Variants in FRMPD2 observed in about 807,000 individuals in gnomAD.
FRMPD2 encodes FERM and PDZ domain containing 2.
FRMPD2 carries 96 observed loss-of-function variants against 140.1 expected under a neutral mutation model. The ratio of observed to expected loss-of-function variants is 0.69; its 90% CI spans 0.58 to 0.81. The LOEUF is 0.81. FRMPD2 is among the 40% of genes least tolerant of loss of function. The probability of loss-of-function intolerance (pLI) is 0.00; values close to 1 mark genes in which losing one functional copy is unlikely to be tolerated. For synonymous variants in FRMPD2, 449 were observed against 547.6 expected (o/e 0.82, Z 2.52); for missense variants, 1,240 against 1,447.4 (o/e 0.86, Z 2.32).
At chr10:48,231,080 G>A (rs1839837905) in intron 10 of FRMPD2, among the ~76,000 whole-genome samples, 1 of 152,152 alleles carries the variant, frequency 6.6e-6, no homozygotes, top group African/African-American at 2.4e-5. Context: ...TCCCTTCAAC[G>A]TGAGAGTAGA....
chr10:48,244,176 G>A (rs1840191208), intron 4 of FRMPD2, among the ~76,000 whole-genome samples: 1 of 152,136 alleles, frequency 6.6e-6, no homozygotes, highest in South Asian at 2.1e-4. Flanking sequence ...GTAGAGACAG[G>A]GTTTTGCCAT....
At chr10:48,181,328 T>C (rs1159938619) in intron 20 of FRMPD2, among the ~76,000 whole-genome samples, 1 of 152,260 alleles carries the variant, frequency 6.6e-6, no homozygotes, top group Non-Finnish European at 1.5e-5. Context: ...TATAGGAAGA[T>C]ATGGACATCT....
At chr10:48,270,325 G>T (rs111770497) in intron 1 of FRMPD2, among the ~76,000 whole-genome samples, 1 of 152,132 alleles carries the variant, frequency 6.6e-6, no homozygotes, top group Non-Finnish European at 1.5e-5. Context: ...GCCAATTTGC[G>T]ACAGCTGATT....
chr10:48,254,011 T>C (rs919535525), intron 1 of FRMPD2, among the ~76,000 whole-genome samples: 1 of 151,830 alleles, frequency 6.6e-6, no homozygotes, highest in African/African-American at 2.4e-5. Context: ...ATATCAAATA[T>C]AACCATGATC....
intron 6 of FRMPD2, 147 bp downstream of exon 6, chr10:48,240,211 GCC>G: frequency 2.5e-6 from 2 of 807,370 alleles, no homozygotes; most frequent in Non-Finnish European, 3.8e-6. Context: ...CCTAAGCTCA[GCC>G]CCTTCTCTTC....
chr10:48,158,045 C>T (rs1450585803), intron 28 of FRMPD2, among the ~76,000 whole-genome samples: 2 of 147,370 alleles, frequency 1.4e-5, no homozygotes, highest in African/African-American at 5.1e-5. Context: ...TCACCTCCCA[C>T]CCGTAGACTC....
chr10:48,255,988 C>T (rs971858304), intron 1 of FRMPD2, among the ~76,000 whole-genome samples: 2 of 152,150 alleles, frequency 1.3e-5, no homozygotes, highest in Admixed American at 6.5e-5. Flanking sequence ...TGCATTTTGG[C>T]GTAGGAGCAG....
chr10:48,227,366 G>A (rs567834385), intron 10 of FRMPD2, among the ~76,000 whole-genome samples: 1 of 152,176 alleles, frequency 6.6e-6, no homozygotes, highest in Admixed American at 6.5e-5. Flanking sequence ...TCCACCAGCT[G>A]GGTGGTGGAG....
chr10:48,194,148 G>C (rs1223223019), intron 15 of FRMPD2, among the ~76,000 whole-genome samples: 1 of 152,210 alleles, frequency 6.6e-6, no homozygotes, highest in East Asian at 1.9e-4. Context: ...CTATGTGCCA[G>C]GCGTGGTGGG....
chr10:48,156,861 C>T lies in FRMPD2; in HGVS notation c.*461G>A, dbSNP rs1372823373. On this transcript the variant is annotated 3_prime_UTR_variant, in exon 29 of 29. Transcript: ENST00000374201. ...CAAGAAGCGTCTAGGATTATTGGGA[C>T]ACGTAAATTACATAATTCTGACACA... The T allele has an allele frequency of 4.4e-6, 1 of 227,948 alleles. No individual in the cohort carries two copies. Among genetic ancestry groups the T allele is most frequent in the African/African-American group, 2.3e-5 (1 of 42,764 alleles). The allele number at this position is 227,948 out of a possible 1,614,324, so 14.1% of individuals were successfully genotyped here.
chr10:48,267,199 A>G (rs1049601543), intron 1 of FRMPD2, among the ~76,000 whole-genome samples: 2 of 152,210 alleles, frequency 1.3e-5, no homozygotes, highest in Non-Finnish European at 2.9e-5. Context: ...TCTCAACTTG[A>G]GTAAAAAAGA....
Position 48,211,965 on chromosome 10 carries a change from T to C in FRMPD2, c.1600A>G (p.Lys534Glu), listed in dbSNP as rs1864345. The change falls in exon 13 of 29, where the codon AAG becomes GAG. Residue 534 changes from lysine to glutamate, a missense_variant. Lys to Glu is a moderately conservative substitution (Grantham distance 56, BLOSUM62 1). Around this residue, in one of 6 missense-constraint regions of FRMPD2, gnomAD observed 1,161 missense variants for 1,055.9 expected, o/e 1.10. Transcript: ENST00000374201. ...CAGGAAGGCCTTACCCTCAAGAACT[T>C]CAGCTCAGCATCCTCTCCCCACAGT... ...SALWGEDAEL[K>E]FLRVTQQLPE... 380,735 of 1,612,294 alleles carry C rather than the reference T, an allele frequency of 0.24. 50,787 individuals carry two copies. Among genetic ancestry groups the C allele is most frequent in the African/African-American group, 0.56 (42,198 of 74,842 alleles).
At chr10:48,243,693 G>T (rs774462820) in intron 4 of FRMPD2, among the ~76,000 whole-genome samples, 1 of 152,150 alleles carries the variant, frequency 6.6e-6, no homozygotes, top group Non-Finnish European at 1.5e-5. Flanking sequence ...CCAGTGAGGC[G>T]TTACAAAAGG....
chr10:48,182,941 C>T (rs1838587019), intron 20 of FRMPD2, among the ~76,000 whole-genome samples: 1 of 152,128 alleles, frequency 6.6e-6, no homozygotes, highest in Non-Finnish European at 1.5e-5. Flanking sequence ...CTGGGAAATC[C>T]AACAGACAGC....
intron 5 of FRMPD2, 120 bp from the exon 6 acceptor site, chr10:48,240,612 C>A (rs916773362): frequency 2.2e-6 from 3 of 1,374,042 alleles, no homozygotes; most frequent in African/African-American, 2.9e-5. Context: ...ATACGGTGAC[C>A]TAAAGATGTG....
At chr10:48,199,351 AGT>A (rs1265435589) in intron 15 of FRMPD2, among the ~76,000 whole-genome samples, 24 of 151,998 alleles carry the variant, frequency 1.6e-4, no homozygotes, top group Admixed American at 9.8e-4. Flanking sequence ...GGGTATTTAT[AGT>A]TTTTGAATTT....
chr10:48,270,990 T>C (rs949977242), intron 1 of FRMPD2, among the ~76,000 whole-genome samples: 1 of 152,214 alleles, frequency 6.6e-6, no homozygotes, highest in Admixed American at 6.5e-5. Context: ...CCCTGATCCA[T>C]TCTCTGTCTT....
At chr10:48,197,938 C>G (rs1187477920) in intron 15 of FRMPD2, among the ~76,000 whole-genome samples, 3 of 152,172 alleles carry the variant, frequency 2.0e-5, no homozygotes, top group African/African-American at 7.2e-5. Flanking sequence ...CTGGTACCTG[C>G]CTCCTGGGGC....
In FRMPD2 at chr10:48,206,949, G is replaced by A; in HGVS notation, c.1612-16C>T. 1 of 1,612,050 alleles carries A rather than the reference G, an allele frequency of 6.2e-7. No individual in the cohort carries two copies. The highest frequency in any genetic ancestry group is 8.5e-7 in the Non-Finnish European group (1 of 1,178,848). On this transcript the variant is annotated splice_polypyrimidine_tract_variant and intron_variant, in intron 13 of 28. Coordinates refer to ENST00000374201, the MANE Select transcript of FRMPD2 (RefSeq NM_001018071.4). Reference sequence around the variant, plus strand: ...GCTGAGTGACCTGGAGCAGAAAAAGGCTGATTTAGAAGAGACAGGCACATG... The same window carrying A: ...GCTGAGTGACCTGGAGCAGAAAAAGACTGATTTAGAAGAGACAGGCACATG...
Sources: gnomAD v4.1 joint callset for allele counts (sites outside exome capture counted in the v4.1 genomes callset) on GRCh38, gnomAD v4.1.1 for gene constraint, gnomAD v4.1.1 regional missense constraint, MANE v1.5 for transcripts, NCBI Gene and HGNC (gene_info 2026-07-23, HGNC 2026-07-21) for gene names.